The following KCNMB2 variants were observed in gnomAD, a reference collection of about 807,000 sequenced individuals.
KCNMB2 encodes the protein calcium-activated potassium channel subunit beta-2.
A neutral mutation model predicts 24.5 loss-of-function variants in KCNMB2; 9 were observed. The observed-to-expected ratio is 0.37, with a 90% confidence interval of 0.22 to 0.64. KCNMB2 has a LOEUF of 0.64. KCNMB2 is among the 30% of genes least tolerant of loss of function. The probability of loss-of-function intolerance (pLI) is 0.63; values close to 1 mark genes in which losing one functional copy is unlikely to be tolerated. For synonymous variants in KCNMB2, 109 were observed against 104.4 expected, an observed-to-expected ratio of 1.04 and a Z score of -0.27; for missense variants, 226 against 284.3, an observed-to-expected ratio of 0.79 and a Z score of 1.47.
At chr3:178,639,076 T>A (rs1400095770) in intron 1 of KCNMB2, among the ~76,000 whole-genome samples, 1 of 152,040 alleles carries the variant, frequency 6.6e-6, no homozygotes. Context: ...CTTGAATAGA[T>A]TTTTTTTAAT....
chr3:178,623,104 A>C (rs1718980552), intron 1 of KCNMB2, among the ~76,000 whole-genome samples: 1 of 152,158 alleles, frequency 6.6e-6, no homozygotes, highest in Admixed American at 6.5e-5. Context: ...ACCTACACAC[A>C]AAAAAATGAT....
chr3:178,789,945 T>G (rs752308982), intron 1 of KCNMB2, among the ~76,000 whole-genome samples: 10 of 151,702 alleles, frequency 6.6e-5, no homozygotes, highest in Non-Finnish European at 1.3e-4. Context: ...GGAGTACTTG[T>G]GTCACCCCTC....
chr3:178,827,013 A>G (rs1714861075), intron 3 of KCNMB2, among the ~76,000 whole-genome samples: 4 of 152,182 alleles, frequency 2.6e-5, no homozygotes, highest in South Asian at 2.1e-4. Flanking sequence ...TGCCACACCA[A>G]GGGAGGGGAT....
In KCNMB2 at chr3:178,658,418, G is replaced by T. The variant is rs1434373923; in HGVS notation, c.-68+121707G>T. The stretch of plus-strand genomic sequence containing the variant: ...ATCTTCATTATTTAATCAAGATAAG[G>T]TTATCTCTTCTTAGTAGTACTTCCT... On this transcript the variant is annotated intron_variant, in intron 1 of 4. Coordinates refer to ENST00000452583, the MANE Select transcript of KCNMB2 (RefSeq NM_181361.3). Among the ~76,000 whole-genome samples the T allele has an allele frequency of 4.6e-5, 7 of 152,224 alleles. No individual in the cohort carries two copies. The East Asian group carries it at 1.3e-3, about 29-fold the overall frequency.
intron 1 of KCNMB2, among the ~76,000 whole-genome samples, chr3:178,566,366 T>G (rs376789862): frequency 6.6e-6 from 1 of 152,206 alleles, no homozygotes; most frequent in Admixed American, 6.5e-5. Flanking sequence ...GTAAAGTTCA[T>G]TGGTCTCAGC....
At chr3:178,778,818 T>C (rs1712705336) in intron 1 of KCNMB2, among the ~76,000 whole-genome samples, 1 of 152,162 alleles carries the variant, frequency 6.6e-6, no homozygotes, top group South Asian at 2.1e-4. Context: ...ACAAGAGCGA[T>C]GTGATAATTT....
intron 1 of KCNMB2, among the ~76,000 whole-genome samples, chr3:178,610,847 TATG>T (rs1280822938): frequency 2.0e-5 from 3 of 152,250 alleles, no homozygotes; most frequent in African/African-American, 7.2e-5. Context: ...CCCCACTTAA[TATG>T]ATACTAGCTG....
At chr3:178,832,392 G>T (rs1715088771) in intron 4 of KCNMB2, among the ~76,000 whole-genome samples, 2 of 23,740 alleles carry the variant, frequency 8.4e-5, no homozygotes, top group Non-Finnish European at 8.2e-5. Flanking sequence ...TAACTATTAT[G>T]TGCCAATACA....
intron 1 of KCNMB2, among the ~76,000 whole-genome samples, chr3:178,604,538 A>C (rs181213653): frequency 6.6e-6 from 1 of 152,330 alleles, no homozygotes; most frequent in Non-Finnish European, 1.5e-5. Context: ...TTTTAGTGCA[A>C]ACATTCAAGT....
At chr3:178,573,597 A>AAC (rs1468379256) in intron 1 of KCNMB2, among the ~76,000 whole-genome samples, 1 of 151,142 alleles carries the variant, frequency 6.6e-6, no homozygotes, top group Admixed American at 6.6e-5. Context: ...AAAAAAAAAA[A>AAC]AACTAGCCAG....
chr3:178,791,530 G>A (rs1408947917), intron 1 of KCNMB2, among the ~76,000 whole-genome samples: 2 of 152,180 alleles, frequency 1.3e-5, no homozygotes, highest in Non-Finnish European at 2.9e-5. Context: ...TGGCCTTAAG[G>A]AGGAGGCAGA....
At chr3:178,784,858 C>G (rs994322645) in intron 1 of KCNMB2, among the ~76,000 whole-genome samples, 5 of 135,496 alleles carry the variant, frequency 3.7e-5, no homozygotes, top group African/African-American at 1.1e-4. Context: ...TCTAAGTGGC[C>G]TTTTACCTGA....
At chr3:178,666,013 G>A (rs1273034620) in intron 1 of KCNMB2, among the ~76,000 whole-genome samples, 3 of 152,124 alleles carry the variant, frequency 2.0e-5, no homozygotes, top group African/African-American at 4.8e-5. Flanking sequence ...GTCACATGAG[G>A]CAACTTTGGA....
chr3:178,571,824 G>A (rs1334334322), intron 1 of KCNMB2, among the ~76,000 whole-genome samples: 5 of 151,930 alleles, frequency 3.3e-5, no homozygotes, highest in Non-Finnish European at 2.9e-5. Flanking sequence ...GAGAATGATG[G>A]TTTCCAGCCC....
At chr3:178,733,472 T>TTTTA (rs746744485) in intron 1 of KCNMB2, among the ~76,000 whole-genome samples, 41 of 150,454 alleles carry the variant, frequency 2.7e-4, no homozygotes, top group African/African-American at 3.9e-4. Flanking sequence ...TTTAAATTTA[T>TTTTA]TTTATTTATT....
At chr3:178,647,035 A>T (rs1719945535) in intron 1 of KCNMB2, among the ~76,000 whole-genome samples, 1 of 152,214 alleles carries the variant, frequency 6.6e-6, no homozygotes, top group Non-Finnish European at 1.5e-5. Context: ...GACAGCTATG[A>T]AGTATGTTTA....
intron 1 of KCNMB2, among the ~76,000 whole-genome samples, chr3:178,712,315 A>G (rs369491478): frequency 6.6e-6 from 1 of 152,206 alleles, no homozygotes; most frequent in African/African-American, 2.4e-5. Flanking sequence ...TTGGATACCT[A>G]TCCCAAGATA....
At chr3:178,679,474 T>C (rs905782639) in intron 1 of KCNMB2, among the ~76,000 whole-genome samples, 37 of 152,216 alleles carry the variant, frequency 2.4e-4, no homozygotes, top group African/African-American at 8.9e-4. Context: ...TTAGTAGGTA[T>C]TTCATACATC....
intron 1 of KCNMB2, among the ~76,000 whole-genome samples, chr3:178,743,717 G>A (rs942345102): frequency 1.3e-5 from 2 of 152,196 alleles, no homozygotes; most frequent in African/African-American, 4.8e-5. Flanking sequence ...AAAAGCTTGA[G>A]CAGAAATACA....
Sources: gnomAD v4.1 joint callset for allele counts (sites outside exome capture counted in the v4.1 genomes callset) on GRCh38, gnomAD v4.1.1 for gene constraint, MANE v1.5 for transcripts, NCBI Gene and HGNC (gene_info 2026-07-23, HGNC 2026-07-21) for gene names.